ERBB4: variants seen among roughly 807,000 people sequenced by gnomAD.
ERBB4 encodes erb-b2 receptor tyrosine kinase 4.
A neutral mutation model predicts 158.0 loss-of-function variants in ERBB4; 42 were observed. That is an observed-to-expected ratio of 0.27 (90% CI 0.21 to 0.34). The LOEUF (loss-of-function observed/expected upper bound fraction) is 0.34. Among genes scored for constraint, ERBB4 ranks in the 10% least tolerant of loss-of-function variants. The pLI, the probability that ERBB4 is intolerant of heterozygous loss-of-function variation, is 1.00. For missense variants in ERBB4, 1,333 were observed against 1,624.1 expected (o/e 0.82, Z 3.08); for synonymous variants, 583 against 558.7 (o/e 1.04, Z -0.61).
intron 16 of ERBB4, among the ~76,000 whole-genome samples, chr2:211,641,759 C>T (rs896113889): frequency 5.3e-5 from 8 of 151,940 alleles, no homozygotes; most frequent in South Asian, 4.2e-4. Flanking sequence ...TGTGACTGAC[C>T]TCAATTCATT....
At chr2:211,752,703 G>T (rs1484963387) in intron 4 of ERBB4, among the ~76,000 whole-genome samples, 2 of 151,940 alleles carry the variant, frequency 1.3e-5, no homozygotes, top group African/African-American at 4.8e-5. Context: ...CCAGACATCT[G>T]CTCCCAGATT....
intron 15 of ERBB4, among the ~76,000 whole-genome samples, chr2:211,665,060 A>C (rs1179815223): frequency 1.3e-5 from 2 of 152,228 alleles, no homozygotes; most frequent in Non-Finnish European, 2.9e-5. Flanking sequence ...TCTAAACTGC[A>C]TCCAAAGTAT....
intron 3 of ERBB4, among the ~76,000 whole-genome samples, chr2:211,859,568 G>A (rs1463797369): frequency 6.6e-6 from 1 of 152,096 alleles, no homozygotes; most frequent in Non-Finnish European, 1.5e-5. Context: ...TTAATTTTAA[G>A]TTCACTCCAG....
At chr2:211,988,624 A>G (rs560419182) in intron 2 of ERBB4, among the ~76,000 whole-genome samples, 1 of 152,178 alleles carries the variant, frequency 6.6e-6, no homozygotes, top group African/African-American at 2.4e-5. Context: ...TGGGAATAAG[A>G]CAGGTGTCAA....
At chr2:211,880,012 AATT>A (rs1041900884) in intron 3 of ERBB4, among the ~76,000 whole-genome samples, 4 of 150,908 alleles carry the variant, frequency 2.7e-5, no homozygotes, top group Non-Finnish European at 3.0e-5. Flanking sequence ...AATAAAGCAT[AATT>A]ATTATTTAAC....
At chr2:211,691,548 TTATG>T (rs2072815622) in intron 12 of ERBB4, among the ~76,000 whole-genome samples, 1 of 148,922 alleles carries the variant, frequency 6.7e-6, no homozygotes, top group Admixed American at 6.8e-5. Context: ...GCACATAAAT[TTATG>T]TATGCATAGA....
intron 1 of ERBB4, among the ~76,000 whole-genome samples, chr2:212,357,413 C>T (rs961735222): frequency 4.0e-5 from 6 of 151,514 alleles, no homozygotes; most frequent in Non-Finnish European, 7.4e-5. Flanking sequence ...AAAATAGATT[C>T]GAAGTATAAG....
intron 3 of ERBB4, among the ~76,000 whole-genome samples, chr2:211,838,442 T>A (rs1156809775): frequency 6.6e-6 from 1 of 152,142 alleles, no homozygotes; most frequent in African/African-American, 2.4e-5. Context: ...CAGAATATTT[T>A]CCACTTATTA....
rs56758130 is a variant in ERBB4, at chr2:211,905,647, CATATATATATATAT to C, written c.421+41769_421+41782del. 2.7e-3 allele frequency among the ~76,000 whole-genome samples: 194 copies of C among 71,452 alleles called. 3 individuals are homozygous for C. The highest frequency in any genetic ancestry group is 8.1e-3 in the African/African-American group (154 of 19,090). The allele number at this position is 71,452 out of a possible 152,430, so 46.9% of individuals were successfully genotyped here. ...TGAAGAGCAGTAAAGTAGGAAGGAT[CATATATATATATAT>C]ATATATATATATATATATATACACA... On this transcript the variant is annotated intron_variant, in intron 3 of 27. Transcript: ENST00000342788.
At position 211,912,276 on chromosome 2, in the gene ERBB4, G is replaced by T. The variant is rs545347736; in HGVS notation, c.421+35154C>A. 5.9e-5 allele frequency among the ~76,000 whole-genome samples: 9 copies of T among 152,238 alleles called. No individual in the cohort carries two copies. The East Asian group carries it at 1.5e-3, about 26-fold the overall frequency. ...TCTTGTTTTTGTTCTGTACCTGGAA[G>T]ACAAGCTTCCATTTGGAAGAGGATG... On this transcript the variant is annotated intron_variant, in intron 3 of 27. Coordinates refer to ENST00000342788, the MANE Select transcript of ERBB4 (RefSeq NM_005235.3).
chr2:211,589,415 A>G (rs2068393195), intron 19 of ERBB4, among the ~76,000 whole-genome samples: 1 of 152,200 alleles, frequency 6.6e-6, no homozygotes, highest in Non-Finnish European at 1.5e-5. Flanking sequence ...CCTAGTTAAC[A>G]TTTCAAAAAC....
intron 1 of ERBB4, among the ~76,000 whole-genome samples, chr2:212,141,319 C>A (rs2080467891): frequency 6.6e-6 from 1 of 151,836 alleles, no homozygotes; most frequent in Non-Finnish European, 1.5e-5. Context: ...CAATGAGTAC[C>A]AACCATTTTA....
chr2:211,688,328 G>C (rs1409429658), intron 12 of ERBB4, among the ~76,000 whole-genome samples: 4 of 152,084 alleles, frequency 2.6e-5, no homozygotes, highest in Non-Finnish European at 1.5e-5. Flanking sequence ...AACTCTAGCT[G>C]CATTATTCTG....
At chr2:211,649,015 A>G (rs1220121828) in intron 16 of ERBB4, among the ~76,000 whole-genome samples, 2 of 151,860 alleles carry the variant, frequency 1.3e-5, no homozygotes, top group African/African-American at 4.8e-5. Flanking sequence ...AACTGTGCCT[A>G]TGTTTGTTCA....
chr2:211,690,591 T>C (rs1416967588), intron 12 of ERBB4, among the ~76,000 whole-genome samples: 3 of 152,166 alleles, frequency 2.0e-5, no homozygotes, highest in Non-Finnish European at 4.4e-5. Flanking sequence ...TCCAGACCAA[T>C]AGATGATGGA....
intron 2 of ERBB4, among the ~76,000 whole-genome samples, chr2:212,119,140 C>T (rs1322434442): frequency 6.6e-6 from 1 of 151,986 alleles, no homozygotes; most frequent in Non-Finnish European, 1.5e-5. Context: ...AATTCATCTC[C>T]TTATAATCTT....
intron 1 of ERBB4, among the ~76,000 whole-genome samples, chr2:212,470,386 G>A (rs910427296): frequency 8.6e-5 from 13 of 151,932 alleles, no homozygotes; most frequent in Admixed American, 2.0e-4. Flanking sequence ...CTCCAACTAC[G>A]TGATTAAAAT....
rs773205701 is a variant in ERBB4, at chr2:212,538,538, A to C, written c.-8T>G. 6.2e-7 allele frequency: 1 copy of C among 1,613,360 alleles called. No individual in the cohort carries two copies. Among genetic ancestry groups the C allele is most frequent in the African/African-American group, 1.3e-5 (1 of 74,896 alleles). ...TCCTGTCGCCGGCTTCATTTTTTGG[A>C]AGTCTCAGATCCCGTGCTGACAATT... On this transcript the variant is annotated 5_prime_UTR_variant, in exon 1 of 28. Transcript: ENST00000342788.
intron 20 of ERBB4, among the ~76,000 whole-genome samples, chr2:211,524,451 G>A (rs180902250): frequency 0.085 from 12,463 of 145,958 alleles, 1,026 homozygotes; most frequent in African/African-American, 0.18. Flanking sequence ...GGGGAGGCTC[G>A]GGCCGCACAG....
Sources: allele counts gnomAD v4.1 joint callset (sites outside exome capture counted in the v4.1 genomes callset), GRCh38; gene constraint gnomAD v4.1.1; transcripts MANE v1.5; gene names NCBI Gene and HGNC (gene_info 2026-07-23, HGNC 2026-07-21).